Variants in MTX2 observed in about 807,000 individuals in gnomAD.
The protein encoded by MTX2 is metaxin 2, also known as metaxin-2.
Under a neutral mutation model 42.3 loss-of-function variants are expected in MTX2, and 35 were observed. That is an observed-to-expected ratio of 0.83 (90% CI 0.63 to 1.10). The LOEUF (loss-of-function observed/expected upper bound fraction) is 1.10, where lower values mean the gene tolerates loss of function less well. Among genes scored for constraint, MTX2 ranks in the 50% least tolerant of loss-of-function variants. The pLI, the probability that MTX2 is intolerant of heterozygous loss-of-function variation, is 0.00. For missense variants in MTX2, 307 were observed against 304.1 expected (o/e 1.01, Z -0.07); for synonymous variants, 119 against 100.9 (o/e 1.18, Z -1.08).
intron 3 of MTX2, among the ~76,000 whole-genome samples, chr2:176,318,690 G>A (rs1247572881): frequency 6.6e-6 from 1 of 152,158 alleles, no homozygotes; most frequent in Non-Finnish European, 1.5e-5. Flanking sequence ...CTATTATGCA[G>A]GTTTTTAAAA....
At chr2:176,331,093 T>C (rs147603541) in intron 9 of MTX2, among the ~76,000 whole-genome samples, 171 of 151,310 alleles carry the variant, frequency 1.1e-3, no homozygotes, top group African/African-American at 3.9e-3. Flanking sequence ...AAATATTGTT[T>C]GATGGACAAG....
intron 3 of MTX2, among the ~76,000 whole-genome samples, chr2:176,321,651 A>G (rs543538724): frequency 6.6e-6 from 1 of 152,106 alleles, no homozygotes; most frequent in Non-Finnish European, 1.5e-5. Context: ...TCCTTTTTAC[A>G]TTCTAGTCAA....
At chr2:176,269,900 C>T (rs1198234885) in intron 1 of MTX2, among the ~76,000 whole-genome samples, 2 of 152,060 alleles carry the variant, frequency 1.3e-5, no homozygotes, top group Admixed American at 6.5e-5. Flanking sequence ...TTCCCTTGGG[C>T]GGTACTTTGT....
chr2:176,333,619 TTAGTGTGTGTGGATATATACAGTCA>T (rs1684911474), intron 9 of MTX2, among the ~76,000 whole-genome samples: 2 of 151,622 alleles, frequency 1.3e-5, no homozygotes, highest in African/African-American at 4.8e-5. Flanking sequence ...GCTTTAAAGG[TTAGTGTGTGTGGATATATACAGTCA>T]TGCCCTGTAT....
Position 176,287,874 on chromosome 2 carries a change from A to G in MTX2, c.41-8986A>G, listed in dbSNP as rs536782476. Among the ~76,000 whole-genome samples the G allele has an allele frequency of 2.7e-5, 4 of 147,330 alleles. No individual in the cohort carries two copies. In the East Asian group the frequency reaches 5.9e-4, roughly 22 times the overall value. On this transcript the variant is annotated intron_variant, in intron 1 of 9. Coordinates refer to ENST00000249442, the MANE Select transcript of MTX2 (RefSeq NM_006554.5). ...AATGTGTTTTTTAAGTAGCCTTACC[A>G]CTGTGCTATGCAATACTGACTGCTT...
intron 4 of MTX2, among the ~76,000 whole-genome samples, chr2:176,324,783 A>G (rs1684671123): frequency 6.6e-6 from 1 of 151,772 alleles, no homozygotes; most frequent in South Asian, 2.1e-4. Flanking sequence ...CTAGAGACAT[A>G]CAAAAATATA....
In MTX2 at chr2:176,269,487, C is replaced by T. The variant is rs530021654; in HGVS notation, c.-143C>T. On this transcript the variant is annotated 5_prime_UTR_variant, in exon 1 of 10. Coordinates refer to ENST00000249442, the MANE Select transcript of MTX2 (RefSeq NM_006554.5). ...GTAACCTTGGGGGCCTCACTGCAGC[C>T]GCCGCTGCTGTTGGAGTGGGCTTTG... is the stretch of plus-strand genomic sequence containing the variant. 6.5e-6 allele frequency: 6 copies of T among 923,392 alleles called. No homozygotes were observed. Among genetic ancestry groups the T allele is most frequent in the South Asian group, 3.7e-5 (2 of 54,190 alleles). The allele number at this position is 923,392 out of a possible 1,614,324, so 57.2% of individuals were successfully genotyped here. A position where few individuals can be genotyped will look rare whatever the true frequency, so the allele number is the denominator to read the frequency against.
intron 1 of MTX2, among the ~76,000 whole-genome samples, chr2:176,295,592 G>A (rs1410282149): frequency 6.6e-6 from 1 of 152,048 alleles, no homozygotes; most frequent in East Asian, 1.9e-4. Flanking sequence ...ATGTTTTCAT[G>A]GCATTATCTC....
Position 176,269,745 on chromosome 2 carries a change from T to C in MTX2, c.40+76T>C, listed in dbSNP as rs1012207261. On this transcript the variant is annotated intron_variant, in intron 1 of 9. Transcript: ENST00000249442. ...CCGCGTGGGGTACAGGGCTGGAGCT[T>C]TCCTCCAGCCTTGCGGCATTATACG... 4.8e-6 allele frequency: 7 copies of C among 1,473,488 alleles called. No individual in the cohort carries two copies. In the African/African-American group the frequency reaches 8.6e-5, roughly 18 times the overall value. 91.3% of individuals were successfully genotyped at this position (1,473,488 alleles called of 1,614,324 possible).
At chr2:176,300,250 T>C (rs1046019489) in intron 3 of MTX2, among the ~76,000 whole-genome samples, 1 of 152,136 alleles carries the variant, frequency 6.6e-6, no homozygotes, top group African/African-American at 2.4e-5. Flanking sequence ...TACTATTCTC[T>C]GTTACCCCCA....
At chr2:176,321,561 C>G (rs943699866) in intron 3 of MTX2, among the ~76,000 whole-genome samples, 7 of 152,088 alleles carry the variant, frequency 4.6e-5, no homozygotes, top group African/African-American at 1.7e-4. Context: ...GAACCTGGGC[C>G]CCTTTACTCT....
intron 1 of MTX2, among the ~76,000 whole-genome samples, chr2:176,285,018 A>G (rs982459377): frequency 2.0e-5 from 3 of 152,210 alleles, no homozygotes; most frequent in African/African-American, 7.2e-5. Flanking sequence ...GTTGTAAGAT[A>G]ATTATAATTG....
intron 1 of MTX2, among the ~76,000 whole-genome samples, chr2:176,282,293 C>T (rs2105399772): frequency 6.6e-6 from 1 of 152,064 alleles, no homozygotes; most frequent in East Asian, 1.9e-4. Flanking sequence ...TCTTGCCTTT[C>T]ATGAGCTTAT....
At chr2:176,272,049 G>A (rs1692826159) in intron 1 of MTX2, among the ~76,000 whole-genome samples, 1 of 152,138 alleles carries the variant, frequency 6.6e-6, no homozygotes, top group South Asian at 2.1e-4. Flanking sequence ...AGATACAATG[G>A]AATACTATTC....
rs542666629 is a variant in MTX2, at chr2:176,317,726, A to G, written c.136-5666A>G. 3.9e-5 allele frequency among the ~76,000 whole-genome samples: 6 copies of G among 152,258 alleles called. No individual in the cohort carries two copies. The East Asian group carries it at 1.2e-3, about 29-fold the overall frequency. On this transcript the variant is annotated intron_variant, in intron 3 of 9. Transcript: ENST00000249442. Reference sequence around the variant, plus strand: ...GAGGGATCCTGTGTGAACCTCGATCAGTATGTATACTTACCCTTAACTTTG... The same window carrying G: ...GAGGGATCCTGTGTGAACCTCGATCGGTATGTATACTTACCCTTAACTTTG...
At chr2:176,329,249 G>A (rs566905971) in intron 7 of MTX2, 52 bp from the exon 8 acceptor site, 6 of 1,513,510 alleles carry the variant, frequency 4.0e-6, no homozygotes, top group East Asian at 4.8e-5. Context: ...TTGTAAAAAC[G>A]GGCATTGTTT....
intron 3 of MTX2, among the ~76,000 whole-genome samples, chr2:176,299,922 C>A (rs1252813305): frequency 6.6e-6 from 1 of 151,586 alleles, no homozygotes; most frequent in African/African-American, 2.4e-5. Context: ...TTTATTATAC[C>A]CCCAAAACTA....
intron 9 of MTX2, among the ~76,000 whole-genome samples, chr2:176,336,696 C>T (rs1023733008): frequency 4.6e-5 from 7 of 151,810 alleles, no homozygotes; most frequent in African/African-American, 1.7e-4. Context: ...TTTAACACAC[C>T]TAAATGTTGT....
At chr2:176,330,694 T>C in intron 9 of MTX2, 34 bp downstream of exon 9, 1 of 1,439,542 alleles carries the variant, frequency 6.9e-7, no homozygotes, top group Non-Finnish European at 9.6e-7. Flanking sequence ...GTTAATTTTC[T>C]GTACTGTTAG....
Sources: gnomAD v4.1 joint callset for allele counts (sites outside exome capture counted in the v4.1 genomes callset) on GRCh38, gnomAD v4.1.1 for gene constraint, MANE v1.5 for transcripts, NCBI Gene and HGNC (gene_info 2026-07-23, HGNC 2026-07-21) for gene names.